The following RND2 variants were observed in gnomAD, a reference collection of about 807,000 sequenced individuals.
The protein encoded by RND2 is rho-related GTP-binding protein RhoN.
Under a neutral mutation model 25.9 loss-of-function variants are expected in RND2, and 16 were observed. The ratio of observed to expected loss-of-function variants is 0.62; its 90% CI spans 0.42 to 0.94. The LOEUF is 0.94. RND2 is among the 40% of genes least tolerant of loss of function. RND2 has a pLI of 0.00. For missense variants in RND2, 276 were observed against 305.5 expected (o/e 0.90, Z 0.72); for synonymous variants, 97 against 118.1 (o/e 0.82, Z 1.16).
rs536137425 is a variant in RND2 at position 43,029,931 on chromosome 17, A to C, written c.*1251A>C. 18 of 148,072 alleles carry C rather than the reference A, an allele frequency of 1.2e-4. No individual in the cohort carries two copies. Among genetic ancestry groups the C allele is most frequent in the African/African-American group, 3.2e-4 (13 of 40,606 alleles). The allele number at this position is 148,072 out of a possible 1,614,324, so 9.2% of individuals were successfully genotyped here. A position where few individuals can be genotyped will look rare whatever the true frequency, so the allele number is the denominator to read the frequency against. ...AAAAAAAAAAAAAAAAAAAAAAAGA[A>C]GGCATCAAAAGCCTCCACATCACAG... On this transcript the variant is annotated 3_prime_UTR_variant, in exon 5 of 5. Coordinates refer to ENST00000587250, the MANE Select transcript of RND2 (RefSeq NM_005440.5).
rs1354543597 is a variant in RND2 at position 43,030,935 on chromosome 17, G to A, written c.*2255G>A. ...ATGTGGTGTTGGAGCTGGGAGATTTGGCTCTGAGGTGTGTCATTTAAAATA... is the reference window on the plus strand; with the variant it reads ...ATGTGGTGTTGGAGCTGGGAGATTTAGCTCTGAGGTGTGTCATTTAAAATA... On this transcript the variant is annotated 3_prime_UTR_variant, in exon 5 of 5. Coordinates refer to ENST00000587250, the MANE Select transcript of RND2 (RefSeq NM_005440.5). 6.6e-6 allele frequency: 1 copy of A among 151,770 alleles called. No individual in the cohort carries two copies. Among genetic ancestry groups the A allele is most frequent in the Non-Finnish European group, 1.5e-5 (1 of 67,946 alleles). 9.4% of individuals were successfully genotyped at this position (151,770 alleles called of 1,614,324 possible).
Position 43,028,674 on chromosome 17 carries a change from C to T in RND2, c.678C>T (p.Leu226=), listed in dbSNP as rs1370347545. Residue 226 remains leucine, a synonymous_variant, in exon 5 of 5, where the codon CTC becomes CTT. Coordinates refer to ENST00000587250, the MANE Select transcript of RND2 (RefSeq NM_005440.5). ...AGGATCGAGCCAAAAGCTGCAACCT[C>T]ATGTGAGGGGCTAGGAGAGGGCAGA... is the stretch of plus-strand genomic sequence containing the variant. The part of the protein sequence containing the change: ...IHKDRAKSCN[L]M The T allele has an allele frequency of 1.3e-6, 2 of 1,571,830 alleles. No homozygotes were observed. The highest frequency in any genetic ancestry group is 1.2e-5 in the South Asian group (1 of 86,914).
intron 1 of RND2, 31 bp from the exon 2 acceptor site, chr17:43,025,929 T>G (rs2050619452): frequency 1.9e-6 from 3 of 1,543,514 alleles, no homozygotes; most frequent in Non-Finnish European, 2.7e-6. Flanking sequence ...CTTGGAGAGA[T>G]GATCTCATCT....
chr17:43,027,775 C>T (rs1486688632), intron 3 of RND2, among the ~76,000 whole-genome samples: 5 of 152,090 alleles, frequency 3.3e-5, no homozygotes, highest in South Asian at 4.2e-4. Flanking sequence ...ATGGGAAAGG[C>T]GAGTGGGAAT....
At position 43,028,696 on chromosome 17, in the gene RND2, CAG is replaced by C; in HGVS notation, c.*19_*20del. ...CCTCATGTGAGGGGCTAGGAGAGGGCAGAGTGTGAAGAGGGGTGGTGAGGGAC... is the reference window on the plus strand; with the variant it reads ...CCTCATGTGAGGGGCTAGGAGAGGGCAGTGTGAAGAGGGGTGGTGAGGGAC... On this transcript the variant is annotated 3_prime_UTR_variant, in exon 5 of 5. Coordinates refer to ENST00000587250, the MANE Select transcript of RND2 (RefSeq NM_005440.5). The C allele has an allele frequency of 1.9e-6, 3 of 1,546,076 alleles. No individual in the cohort carries two copies. The highest frequency in any genetic ancestry group is 1.2e-5 in the South Asian group (1 of 84,898).
At chr17:43,026,999 C>T (rs553931710) in intron 2 of RND2, among the ~76,000 whole-genome samples, 184 bp from the exon 3 acceptor site, 3 of 152,300 alleles carry the variant, frequency 2.0e-5, no homozygotes, top group South Asian at 4.1e-4. Flanking sequence ...ACCATGTGAC[C>T]TCCCTTCTGC....
chr17:43,025,815 GAGC>G, intron 1 of RND2, 142 bp from the exon 2 acceptor site: 1 of 186,300 alleles, frequency 5.4e-6, no homozygotes, highest in Non-Finnish European at 1.0e-5. Context: ...GGGGGGGCAG[GAGC>G]TCCCGGGATC....
intron 2 of RND2, 101 bp downstream of exon 2, chr17:43,026,148 C>A: frequency 1.4e-6 from 1 of 707,992 alleles, no homozygotes. Flanking sequence ...GCCCATCCAT[C>A]CAATTCCAAC....
chr17:43,025,539 G>A lies in RND2; in HGVS notation c.102+90G>A. The A allele has an allele frequency of 3.4e-6, 5 of 1,483,660 alleles. No homozygotes were observed. The South Asian group carries it at 5.1e-5, about 15-fold the overall frequency. 91.9% of individuals were successfully genotyped at this position (1,483,660 alleles called of 1,614,324 possible). A position where few individuals can be genotyped will look rare whatever the true frequency, so the allele number is the denominator to read the frequency against. ...GGCGACGGATGGGAATGGGTACTCG[G>A]GTAACCAGGGACAAGAGACAGGGGG... On this transcript the variant is annotated intron_variant, in intron 1 of 4. Transcript: ENST00000587250.
rs1015304089 is a variant in RND2, at chr17:43,031,246, C to G, written c.*2566C>G. ...GATCATCAGATATCCCTATCCCAACCTCTCCTATGGGACTAGTTCATCTCA... is the reference window on the plus strand; with the variant it reads ...GATCATCAGATATCCCTATCCCAACGTCTCCTATGGGACTAGTTCATCTCA... On this transcript the variant is annotated 3_prime_UTR_variant, in exon 5 of 5. Coordinates refer to ENST00000587250, the MANE Select transcript of RND2 (RefSeq NM_005440.5). 6.6e-6 allele frequency: 1 copy of G among 152,210 alleles called. No individual in the cohort carries two copies. Among genetic ancestry groups the G allele is most frequent in the African/African-American group, 2.4e-5 (1 of 41,452 alleles). The allele number at this position is 152,210 out of a possible 1,614,324, so 9.4% of individuals were successfully genotyped here. A position where few individuals can be genotyped will look rare whatever the true frequency, so the allele number is the denominator to read the frequency against.
chr17:43,027,217 C>G lies in RND2; in HGVS notation c.225C>G (p.Ala75=). ...SSYYDNVRPL[A]YPDSDAVLIC... Reference sequence around the variant, plus strand: ...ACTATGATAATGTCCGGCCTCTGGCCTATCCTGATTCTGATGCTGTGCTCA... The same window carrying G: ...ACTATGATAATGTCCGGCCTCTGGCGTATCCTGATTCTGATGCTGTGCTCA... Residue 75 remains alanine (A), a synonymous_variant, in exon 3 of 5, where the codon GCC becomes GCG. Transcript: ENST00000587250. 3.1e-6 allele frequency: 5 copies of G among 1,612,232 alleles called. No homozygotes were observed. Among genetic ancestry groups the G allele is most frequent in the Non-Finnish European group, 4.2e-6 (5 of 1,178,928 alleles).
Position 43,028,977 on chromosome 17 carries a change from T to A in RND2, c.*297T>A, listed in dbSNP as rs1375482481. 7.1e-6 allele frequency: 3 copies of A among 421,318 alleles called. No homozygotes were observed. Among genetic ancestry groups the A allele is most frequent in the Non-Finnish European group, 1.3e-5 (3 of 226,280 alleles). 26.1% of individuals were successfully genotyped at this position (421,318 alleles called of 1,614,324 possible). On this transcript the variant is annotated 3_prime_UTR_variant, in exon 5 of 5. Coordinates refer to ENST00000587250, the MANE Select transcript of RND2 (RefSeq NM_005440.5). ...ATCAAATGGTGACCTTGGTGGAGTC[T>A]CCTATGTGAAGAGTACCCTCCCTCT...
Position 43,025,312 on chromosome 17 carries a change from AGGGGTGGCGTGGGGGACCGGCGCGTAGCC to A in RND2, c.-32_-4del. ...GGGAGGCGGCGGCGGGGCCCGGGAG[AGGGGTGGCGTGGGGGACCGGCGCGTAGCC>A]GGGACCATGGAGGGGCAGAGCGGCC... On this transcript the variant is annotated 5_prime_UTR_variant, in exon 1 of 5. The change abolishes the stop of an existing upstream ORF in the 5' untranslated region. Transcript: ENST00000587250. The A allele has an allele frequency of 6.9e-7, 1 of 1,458,332 alleles. No homozygotes were observed. Among genetic ancestry groups the A allele is most frequent in the Non-Finnish European group, 9.1e-7 (1 of 1,100,560 alleles). 90.3% of individuals were successfully genotyped at this position (1,458,332 alleles called of 1,614,324 possible).
At chr17:43,026,521 G>A (rs1330872965) in intron 2 of RND2, among the ~76,000 whole-genome samples, 1 of 152,238 alleles carries the variant, frequency 6.6e-6, no homozygotes, top group East Asian at 1.9e-4. Context: ...CGTGTGGCAC[G>A]TGCCTGTAAT....
rs1264648646 is a variant in RND2, at chr17:43,028,768, C to T, written c.*88C>T. 1.7e-5 allele frequency: 25 copies of T among 1,476,846 alleles called. No homozygotes were observed. The highest frequency in any genetic ancestry group is 4.2e-5 in the African/African-American group (3 of 71,980). 91.5% of individuals were successfully genotyped at this position (1,476,846 alleles called of 1,614,324 possible). A position where few individuals can be genotyped will look rare whatever the true frequency, so the allele number is the denominator to read the frequency against. ...CGCCCAGGCTTCCTGACCTCCTGAT[C>T]CTGGCTGGGAAGTTAGGGCAGGCAG... On this transcript the variant is annotated 3_prime_UTR_variant, in exon 5 of 5. Transcript: ENST00000587250.
intron 3 of RND2, 75 bp downstream of exon 3, chr17:43,027,367 G>T (rs2050631847): frequency 2.0e-6 from 2 of 981,010 alleles, no homozygotes; most frequent in Non-Finnish European, 3.1e-6. Context: ...ACATGGGCCA[G>T]GAGGAGGGAG....
rs1460790627 is a variant in RND2 at position 43,028,262 on chromosome 17, T to G, written c.435+67T>G. On this transcript the variant is annotated intron_variant, in intron 4 of 4. Coordinates refer to ENST00000587250, the MANE Select transcript of RND2 (RefSeq NM_005440.5). ...TCACCTCTGCCCCTTCAGTCTCTGA[T>G]TTGAAAACACCTTACCTGGCTCATC... 1.1e-5 allele frequency: 18 copies of G among 1,605,636 alleles called. 1 individual carries two copies. Among genetic ancestry groups the G allele is most frequent in the Non-Finnish European group, 1.5e-5 (18 of 1,174,492 alleles).
chr17:43,028,313 C>T, intron 4 of RND2, 118 bp downstream of exon 4: 1 of 1,582,696 alleles, frequency 6.3e-7, no homozygotes, highest in Non-Finnish European at 8.6e-7. Context: ...TGACCTCTGA[C>T]CTGATCCCTT....
chr17:43,028,636 G>A lies in RND2; in HGVS notation c.640G>A (p.Gly214Ser). 6.2e-7 allele frequency: 1 copy of A among 1,606,552 alleles called. No homozygotes were observed. Among genetic ancestry groups the A allele is most frequent in the Admixed American group, 1.7e-5 (1 of 58,732 alleles). ...AGGACGGCCAGACCGGGGGAATGAG[G>A]GCGAGATACACAAGGATCGAGCCAA... ...LSGRPDRGNE[G>S]EIHKDRAKSC... The change falls in exon 5 of 5, where the codon GGC becomes AGC. Residue 214 changes from glycine to serine, a missense_variant. Transcript: ENST00000587250.
Sources: allele counts gnomAD v4.1 joint callset (sites outside exome capture counted in the v4.1 genomes callset), GRCh38; gene constraint gnomAD v4.1.1; transcripts MANE v1.5; gene names NCBI Gene and HGNC (gene_info 2026-07-23, HGNC 2026-07-21).